RBM7: variants seen among roughly 807,000 people sequenced by gnomAD.
RBM7 encodes RNA-binding protein 7.
RBM7 carries 13 observed loss-of-function variants against 31.0 expected under a neutral mutation model. The ratio of observed to expected loss-of-function variants is 0.42; its 90% confidence interval spans 0.27 to 0.67. The LOEUF (loss-of-function observed/expected upper bound fraction) is 0.67. Among genes scored for constraint, RBM7 ranks in the 30% least tolerant of loss-of-function variants. The probability of loss-of-function intolerance (pLI) is 0.24; values close to 1 mark genes in which losing one functional copy is unlikely to be tolerated. For synonymous variants in RBM7, 106 were observed against 111.2 expected, an observed-to-expected ratio of 0.95 and a Z score of 0.30; for missense variants, 245 against 326.2, an observed-to-expected ratio of 0.75 and a Z score of 1.92.
chr11:114,406,073 A>T, intron 4 of RBM7: 1 of 317,538 alleles, frequency 3.1e-6, no homozygotes, highest in Non-Finnish European at 5.7e-6. Context: ...AACTGCTTTT[A>T]CATTTGTTTT....
chr11:114,400,912 C>G, intron 1 of RBM7, 145 bp downstream of exon 1: 1 of 853,468 alleles, frequency 1.2e-6, no homozygotes, highest in Non-Finnish European at 1.8e-6. Flanking sequence ...GGTTGCGAAA[C>G]GCTCGCTGGG....
In RBM7 at chr11:114,410,302, C is replaced by T. The variant is rs1304822500; in HGVS notation, c.*2495C>T. The T allele has an allele frequency of 6.6e-6, 1 of 152,020 alleles. No homozygotes were observed. The highest frequency in any genetic ancestry group is 2.4e-5 in the African/African-American group (1 of 41,406). The allele number at this position is 152,020 out of a possible 1,614,324, so 9.4% of individuals were successfully genotyped here. A position where few individuals can be genotyped will look rare whatever the true frequency, so the allele number is the denominator to read the frequency against. Reference sequence around the variant, plus strand: ...TGTGTGACTTTCTTTTACTCAAAAACAGCACCATAAAATTTCTGACAAGTA... The same window carrying T: ...TGTGTGACTTTCTTTTACTCAAAAATAGCACCATAAAATTTCTGACAAGTA... On this transcript the variant is annotated 3_prime_UTR_variant, in exon 5 of 5. Coordinates refer to ENST00000375490, the MANE Select transcript of RBM7 (RefSeq NM_001286045.2).
chr11:114,402,806 T>G, intron 2 of RBM7, 22 bp from the exon 3 acceptor site: 1 of 1,572,766 alleles, frequency 6.4e-7, no homozygotes, highest in Non-Finnish European at 8.7e-7. Context: ...CAAGAATAAT[T>G]TTTCAAATTG....
rs755231508 is a variant in RBM7 at position 114,400,705 on chromosome 11, C to G, written c.34C>G (p.Leu12Val). Residue 12 changes from leucine (L) to valine (V), a missense_variant, in exon 1 of 5, where the codon CTC becomes GTC. Transcript: ENST00000375490. ...GAAAAEADRTLFVGNLETKVT... is the reference protein window; with the variant it reads ...GAAAAEADRTVFVGNLETKVT... ...GGCGGCGGCGGAAGCGGATCGCACT[C>G]TCTTTGTGGGCAACCTTGAAACGAA... The G allele has an allele frequency of 3.7e-6, 6 of 1,614,258 alleles. No homozygotes were observed. Among genetic ancestry groups the G allele is most frequent in the Non-Finnish European group, 5.1e-6 (6 of 1,180,050 alleles).
intron 1 of RBM7, 40 bp from the exon 2 acceptor site, chr11:114,401,658 A>C (rs996795567): frequency 1.4e-6 from 2 of 1,409,480 alleles, no homozygotes; most frequent in African/African-American, 3.0e-5. Flanking sequence ...ATTTTCCCTT[A>C]GTTGCTTTAT....
intron 2 of RBM7, among the ~76,000 whole-genome samples, chr11:114,402,376 G>C (rs1946214017): frequency 8.2e-6 from 1 of 122,404 alleles, no homozygotes; most frequent in South Asian, 3.1e-4. Context: ...ACAGCAGCTT[G>C]AGATTCTTTT....
At position 114,409,847 on chromosome 11, in the gene RBM7, T is replaced by A. The variant is rs985349094; in HGVS notation, c.*2040T>A. 6.6e-6 allele frequency: 1 copy of A among 152,178 alleles called. No individual in the cohort carries two copies. Among genetic ancestry groups the A allele is most frequent in the African/African-American group, 2.4e-5 (1 of 41,446 alleles). 9.4% of individuals were successfully genotyped at this position (152,178 alleles called of 1,614,324 possible). A position where few individuals can be genotyped will look rare whatever the true frequency, so the allele number is the denominator to read the frequency against. The stretch of plus-strand genomic sequence containing the variant: ...TGAAAGTAACCAAACTAAATACATG[T>A]ATTGTGTAAAGGGACAGGACAAGAC... On this transcript the variant is annotated 3_prime_UTR_variant, in exon 5 of 5. Coordinates refer to ENST00000375490, the MANE Select transcript of RBM7 (RefSeq NM_001286045.2).
At chr11:114,402,118 G>T in intron 2 of RBM7, 1 of 339,574 alleles carries the variant, frequency 2.9e-6, no homozygotes, top group Non-Finnish European at 5.2e-6. Context: ...TAAGAGAGCT[G>T]GGCTTGGGTA....
chr11:114,407,359 T>G lies in RBM7; in HGVS notation c.442-86T>G, dbSNP rs532478113. 2.9e-4 allele frequency: 406 copies of G among 1,421,500 alleles called. 1 individual carries two copies. Among genetic ancestry groups the G allele is most frequent in the Non-Finnish European group, 3.6e-4 (376 of 1,047,784 alleles). 88.1% of individuals were successfully genotyped at this position (1,421,500 alleles called of 1,614,324 possible). ...TCCATCTAGGCAAGAGTGACTTTAT[T>G]TTCTTTCATTTTCTGTTAACTGACC... On this transcript the variant is annotated intron_variant, in intron 4 of 4. Coordinates refer to ENST00000375490, the MANE Select transcript of RBM7 (RefSeq NM_001286045.2).
At chr11:114,402,508 A>G (rs1238634229) in intron 2 of RBM7, among the ~76,000 whole-genome samples, 1 of 136,904 alleles carries the variant, frequency 7.3e-6, no homozygotes, top group Admixed American at 8.2e-5. Context: ...GGTTCAAGTG[A>G]TTCTCCTGCC....
intron 1 of RBM7, among the ~76,000 whole-genome samples, chr11:114,401,293 C>A (rs1370195959): frequency 6.6e-6 from 1 of 152,166 alleles, no homozygotes; most frequent in Non-Finnish European, 1.5e-5. Flanking sequence ...TCTGAGTATC[C>A]TATTCCCCCC....
rs893579784 is a variant in RBM7, at chr11:114,409,185, C to G, written c.*1378C>G. 6.6e-6 allele frequency: 1 copy of G among 152,090 alleles called. No individual in the cohort carries two copies. The highest frequency in any genetic ancestry group is 2.4e-5 in the African/African-American group (1 of 41,410). 9.4% of individuals were successfully genotyped at this position (152,090 alleles called of 1,614,324 possible). On this transcript the variant is annotated 3_prime_UTR_variant, in exon 5 of 5. Coordinates refer to ENST00000375490, the MANE Select transcript of RBM7 (RefSeq NM_001286045.2). ...TAGATTTCCTGTTTATAAATGAATT[C>G]AGTTTTTCTGTTTCTAAGTAAATGT...
intron 4 of RBM7, 134 bp downstream of exon 4, chr11:114,405,933 G>A (rs965052165): frequency 6.8e-5 from 39 of 569,410 alleles, no homozygotes; most frequent in Non-Finnish European, 9.1e-5. Flanking sequence ...TCCTCAAGGC[G>A]TAAGTGAACT....
intron 2 of RBM7, among the ~76,000 whole-genome samples, chr11:114,402,379 A>ATT (rs1565260089): frequency 2.3e-5 from 2 of 85,472 alleles, no homozygotes; most frequent in Admixed American, 1.5e-4. Context: ...GCAGCTTGAG[A>ATT]TTCTTTTTTT....
chr11:114,403,174 A>G (rs1169003429), intron 3 of RBM7, among the ~76,000 whole-genome samples: 2 of 152,232 alleles, frequency 1.3e-5, no homozygotes, highest in Admixed American at 6.5e-5. Flanking sequence ...CGACATAACC[A>G]TACCCACATA....
Position 114,405,753 on chromosome 11 carries a change from T to G in RBM7, c.395T>G (p.Ile132Ser). 6.2e-7 allele frequency: 1 copy of G among 1,608,600 alleles called. No individual in the cohort carries two copies. The highest frequency in any genetic ancestry group is 8.5e-7 in the Non-Finnish European group (1 of 1,177,796). ...AACATGACTTCATCAGCACAGATAA[T>G]TCAGAGATCTTTCTCTTCTCCAGAA... ...MDNMTSSAQI[I>S]QRSFSSPENF... The change falls in exon 4 of 5, where the codon ATT becomes AGT. Residue 132 changes from isoleucine to serine, a missense_variant. Ile to Ser is a moderately radical substitution (Grantham distance 142). Transcript: ENST00000375490.
In RBM7 at chr11:114,405,895, T is replaced by G. The variant is rs1339614283; in HGVS notation, c.441+96T>G. ...CAAATAACTGGTTTTTAATTAACTT[T>G]GTTAAGTTGGAGGTTTTGTTCCTTT... is the stretch of plus-strand genomic sequence containing the variant. On this transcript the variant is annotated intron_variant, in intron 4 of 4. Transcript: ENST00000375490. The G allele has an allele frequency of 1.0e-5, 9 of 875,956 alleles. No homozygotes were observed. The East Asian group carries it at 2.2e-4, about 21-fold the overall frequency. 54.3% of individuals were successfully genotyped at this position (875,956 alleles called of 1,614,324 possible). A position where few individuals can be genotyped will look rare whatever the true frequency, so the allele number is the denominator to read the frequency against.
rs756098040 is a variant in RBM7, at chr11:114,407,555, G to T, written c.552G>T (p.Gln184His). 12 of 1,614,048 alleles carry T rather than the reference G, an allele frequency of 7.4e-6. No individual in the cohort carries two copies. The highest frequency in any genetic ancestry group is 8.5e-6 in the Non-Finnish European group (10 of 1,180,034). ...AATCACACAGTCATAGTTTCAATCA[G>T]TCTTCAAGCTCCCAGTGGCGCCAAG... ...SVQSHSHSFN[Q>H]SSSSQWRQGT... The change falls in exon 5 of 5, where the codon CAG becomes CAT. Residue 184 changes from glutamine (Q) to histidine (H), a missense_variant. Transcript: ENST00000375490.
At chr11:114,405,404 C>T (rs1946253856) in intron 3 of RBM7, among the ~76,000 whole-genome samples, 1 of 152,172 alleles carries the variant, frequency 6.6e-6, no homozygotes, top group Non-Finnish European at 1.5e-5. Context: ...GTTTTTGCCT[C>T]TAGGTAACCT....
Sources: gnomAD v4.1 joint callset for allele counts (sites outside exome capture counted in the v4.1 genomes callset) on GRCh38, gnomAD v4.1.1 for gene constraint, MANE v1.5 for transcripts, NCBI Gene and HGNC (gene_info 2026-07-23, HGNC 2026-07-21) for gene names.